The following CNTNAP2 variants were observed in gnomAD, a reference collection of about 807,000 sequenced individuals.
CNTNAP2 encodes contactin-associated protein-like 2.
A neutral mutation model predicts 155.2 loss-of-function variants in CNTNAP2; 98 were observed. The observed-to-expected ratio is 0.63, with a 90% CI of 0.54 to 0.75. The LOEUF is 0.75. CNTNAP2 is among the 30% of genes least tolerant of loss of function. The pLI is 0.00. For missense variants in CNTNAP2, 1,727 were observed against 1,688.1 expected (o/e 1.02, Z -0.40); for synonymous variants, 651 against 631.2 (o/e 1.03, Z -0.47).
At chr7:147,915,382 T>C (rs183188771) in intron 14 of CNTNAP2, among the ~76,000 whole-genome samples, 4 of 152,344 alleles carry the variant, frequency 2.6e-5, no homozygotes, top group African/African-American at 9.6e-5. Flanking sequence ...CTTAAATCTT[T>C]TGGAATCCTT....
intron 1 of CNTNAP2, among the ~76,000 whole-genome samples, chr7:146,430,541 G>A (rs773300980): frequency 1.3e-5 from 2 of 152,020 alleles, no homozygotes; most frequent in African/African-American, 2.4e-5. Flanking sequence ...TATGGAGGCA[G>A]TAACTGCTAT....
intron 8 of CNTNAP2, among the ~76,000 whole-genome samples, chr7:147,217,375 T>C (rs1803298135): frequency 6.6e-6 from 1 of 152,130 alleles, no homozygotes; most frequent in Non-Finnish European, 1.5e-5. Flanking sequence ...GATAGATTTT[T>C]TTTCAGATAA....
intron 12 of CNTNAP2, among the ~76,000 whole-genome samples, chr7:147,569,446 C>T (rs1394634499): frequency 6.6e-6 from 1 of 152,130 alleles, no homozygotes; most frequent in African/African-American, 2.4e-5. Context: ...CAACAACAGA[C>T]TACATCTAGA....
chr7:146,412,997 C>A (rs1029709776), intron 1 of CNTNAP2, among the ~76,000 whole-genome samples: 7 of 152,094 alleles, frequency 4.6e-5, no homozygotes, highest in Admixed American at 4.6e-4. Context: ...TTAGAGTAGA[C>A]CACAAAATGT....
Position 146,731,950 on chromosome 7 carries a change from A to ATAT in CNTNAP2, c.98-42321_98-42320insTAT, listed in dbSNP as rs199763245. Among the ~76,000 whole-genome samples, 108 of 152,018 alleles carry ATAT rather than the reference A, an allele frequency of 7.1e-4. 2 individuals carry two copies. The highest frequency in any genetic ancestry group is 9.9e-4 in the African/African-American group (41 of 41,500). Reference sequence around the variant, plus strand: ...CATTTTTTGTCTATATATATATATAAAAGCATCCAAAATGATAGAGAATAG... The same window carrying ATAT: ...CATTTTTTGTCTATATATATATATAATATAAGCATCCAAAATGATAGAGAATAG... On this transcript the variant is annotated intron_variant, in intron 1 of 23. Transcript: ENST00000361727.
intron 18 of CNTNAP2, among the ~76,000 whole-genome samples, chr7:148,191,486 G>C (rs1795202523): frequency 6.6e-6 from 1 of 152,172 alleles, no homozygotes; most frequent in South Asian, 2.1e-4. Flanking sequence ...ACTGGGACAG[G>C]TTGCTATAGC....
chr7:147,253,262 A>C (rs1040700040), intron 8 of CNTNAP2, among the ~76,000 whole-genome samples: 2 of 152,138 alleles, frequency 1.3e-5, no homozygotes, highest in African/African-American at 4.8e-5. Flanking sequence ...TTATTCTGGA[A>C]TCTAATATAG....
At chr7:146,728,022 C>A (rs907219039) in intron 1 of CNTNAP2, among the ~76,000 whole-genome samples, 5 of 152,002 alleles carry the variant, frequency 3.3e-5, no homozygotes, top group Admixed American at 1.3e-4. Flanking sequence ...ATGGCTAAAC[C>A]GACGATTTCA....
At position 148,401,362 on chromosome 7, in the gene CNTNAP2, A is replaced by C. The variant is rs57924325; in HGVS notation, c.3716-8029A>C. Among the ~76,000 whole-genome samples the C allele has an allele frequency of 2.2e-3, 337 of 152,328 alleles. 1 individual carries two copies. Among genetic ancestry groups the C allele is most frequent in the Middle Eastern group, 0.01 (3 of 294 alleles). On this transcript the variant is annotated intron_variant, in intron 22 of 23. Transcript: ENST00000361727. ...TGTAGAGAGGTTGTGGAACTACAGA[A>C]TCTATAAAGGCCAGCTGTCACAATC...
At chr7:148,264,218 G>T (rs1245750289) in intron 20 of CNTNAP2, among the ~76,000 whole-genome samples, 1 of 152,116 alleles carries the variant, frequency 6.6e-6, no homozygotes, top group Non-Finnish European at 1.5e-5. Flanking sequence ...TATTTATTGA[G>T]ACAGAAGACA....
intron 1 of CNTNAP2, among the ~76,000 whole-genome samples, chr7:146,635,732 A>G (rs111873262): frequency 0.062 from 9,456 of 152,012 alleles, 445 homozygotes; most frequent in African/African-American, 0.12. Flanking sequence ...GGATGATATA[A>G]GAAGCAGGGA....
intron 1 of CNTNAP2, among the ~76,000 whole-genome samples, chr7:146,422,556 G>A (rs2129114356): frequency 6.6e-6 from 1 of 151,832 alleles, no homozygotes; most frequent in South Asian, 2.1e-4. Context: ...AATGCTCAAA[G>A]CATGACAATT....
chr7:146,679,679 C>T (rs766173948), intron 1 of CNTNAP2, among the ~76,000 whole-genome samples: 1 of 151,764 alleles, frequency 6.6e-6, no homozygotes, highest in Non-Finnish European at 1.5e-5. Flanking sequence ...CTCTCCCTTC[C>T]TTCCTCCTTT....
intron 1 of CNTNAP2, among the ~76,000 whole-genome samples, chr7:146,447,229 C>T (rs1232518706): frequency 6.6e-6 from 1 of 151,946 alleles, no homozygotes; most frequent in African/African-American, 2.4e-5. Context: ...TTTTATTGCT[C>T]AATGGAGAGT....
rs756800555 is a variant in CNTNAP2 at position 146,231,783 on chromosome 7, G to A, written c.97+114810G>A. ...GGATTGGTTTCTCGTGGCACCTATC[G>A]CAGCCATTTATCCTGGAAGAATTCC... On this transcript the variant is annotated intron_variant, in intron 1 of 23. Transcript: ENST00000361727. 3.1e-4 allele frequency among the ~76,000 whole-genome samples: 47 copies of A among 152,204 alleles called. 1 individual carries two copies. Among genetic ancestry groups the A allele is most frequent in the Middle Eastern group, 3.4e-3 (1 of 294 alleles).
chr7:146,229,881 A>G (rs1799356355), intron 1 of CNTNAP2, among the ~76,000 whole-genome samples: 1 of 152,192 alleles, frequency 6.6e-6, no homozygotes, highest in South Asian at 2.1e-4. Flanking sequence ...TTCTCTCACA[A>G]GGGAAATATA....
chr7:147,416,819 T>G (rs947140901), intron 10 of CNTNAP2, among the ~76,000 whole-genome samples: 1 of 152,164 alleles, frequency 6.6e-6, no homozygotes, highest in African/African-American at 2.4e-5. Flanking sequence ...AGAGGCCGTG[T>G]GCAGTGGCTC....
intron 23 of CNTNAP2, among the ~76,000 whole-genome samples, chr7:148,413,413 T>A (rs376230341): frequency 0.81 from 37,558 of 46,330 alleles, 15,755 homozygotes; most frequent in East Asian, 0.94. Flanking sequence ...TATATATATA[T>A]ATATATATAT....
At chr7:148,330,807 ATGGAG>A (rs2116557586) in intron 21 of CNTNAP2, among the ~76,000 whole-genome samples, 1 of 130,318 alleles carries the variant, frequency 7.7e-6, no homozygotes, top group South Asian at 2.7e-4. Context: ...GGATGGATGG[ATGGAG>A]TGGAGTGGAC....
Sources: gnomAD v4.1 joint callset for allele counts (sites outside exome capture counted in the v4.1 genomes callset) on GRCh38, gnomAD v4.1.1 for gene constraint, MANE v1.5 for transcripts, NCBI Gene and HGNC (gene_info 2026-07-23, HGNC 2026-07-21) for gene names.